The following ADRA1A variants were observed in gnomAD, a reference collection of about 807,000 sequenced individuals.
The protein encoded by ADRA1A is adrenoceptor alpha 1A, also known as alpha-1A adrenergic receptor.
Under a neutral mutation model 29.6 loss-of-function variants are expected in ADRA1A, and 31 were observed. The ratio of observed to expected loss-of-function variants is 1.05; its 90% CI spans 0.79 to 1.41. The LOEUF is 1.41. Ranked by LOEUF, ADRA1A falls within the 40% of genes most tolerant of loss-of-function variation. ADRA1A has a pLI of 0.00. For synonymous variants in ADRA1A, 311 were observed against 254.3 expected (o/e 1.22, Z -2.12); for missense variants, 619 against 601.1 (o/e 1.03, Z -0.31).
chr8:26,842,138 A>T (rs975334881), intron 2 of ADRA1A, among the ~76,000 whole-genome samples: 5 of 152,176 alleles, frequency 3.3e-5, no homozygotes, highest in Admixed American at 6.5e-5. Context: ...TTCTGAGAGG[A>T]TGGAAATGTT....
chr8:26,755,794 G>C (rs1269838323), downstream of ADRA1A, among the ~76,000 whole-genome samples: 1 of 152,164 alleles, frequency 6.6e-6, no homozygotes, highest in Admixed American at 6.5e-5. Flanking sequence ...CTGGAGCACA[G>C]TAACCCCACA....
At chr8:26,826,598 C>T (rs1420567902) in intron 2 of ADRA1A, among the ~76,000 whole-genome samples, 1 of 152,136 alleles carries the variant, frequency 6.6e-6, no homozygotes, top group Non-Finnish European at 1.5e-5. Flanking sequence ...GACCTGTGCT[C>T]ATCTTTGTCT....
chr8:26,839,373 T>G (rs1811641456), intron 2 of ADRA1A, among the ~76,000 whole-genome samples: 1 of 152,134 alleles, frequency 6.6e-6, no homozygotes, highest in Non-Finnish European at 1.5e-5. Flanking sequence ...TTAGCCAGGA[T>G]GGTCTCGATC....
chr8:26,860,730 G>A lies in ADRA1A; in HGVS notation c.883+3357C>T, dbSNP rs1318965281. ...CTCCCTCTGTCTCTACTTGCCTCAGGGCTCACACACTTTGCTCTCCTTGTC... is the reference window on the plus strand; with the variant it reads ...CTCCCTCTGTCTCTACTTGCCTCAGAGCTCACACACTTTGCTCTCCTTGTC... On this transcript the variant is annotated intron_variant, in intron 2 of 2. Coordinates refer to ENST00000380573, the MANE Select transcript of ADRA1A (RefSeq NM_000680.4). The surrounding 1 kb of genome is among the most constrained non-coding windows in gnomAD (Gnocchi z 4.7). Among the ~76,000 whole-genome samples, 2 of 151,854 alleles carry A rather than the reference G, an allele frequency of 1.3e-5. No individual in the cohort carries two copies. The highest frequency in any genetic ancestry group is 2.4e-5 in the African/African-American group (1 of 41,312).
downstream of ADRA1A, among the ~76,000 whole-genome samples, chr8:26,755,376 C>T (rs1805113787): frequency 6.6e-6 from 1 of 151,936 alleles, no homozygotes; most frequent in South Asian, 2.1e-4. Flanking sequence ...TGAGTTCTTT[C>T]TTGGCTTAAA....
At chr8:26,802,220 C>G (rs1180704132) in intron 2 of ADRA1A, among the ~76,000 whole-genome samples, 2 of 152,152 alleles carry the variant, frequency 1.3e-5, no homozygotes, top group African/African-American at 2.4e-5. Flanking sequence ...AAAAAACGGA[C>G]AAATGGGATC....
At chr8:26,840,680 C>T (rs539487697) in intron 2 of ADRA1A, among the ~76,000 whole-genome samples, 1 of 150,860 alleles carries the variant, frequency 6.6e-6, no homozygotes, top group African/African-American at 2.4e-5. Flanking sequence ...ATAGCTAAAA[C>T]AGGAAGTCTT....
chr8:26,828,204 G>T (rs1810727358), intron 2 of ADRA1A, among the ~76,000 whole-genome samples: 1 of 152,170 alleles, frequency 6.6e-6, no homozygotes, highest in African/African-American at 2.4e-5. Context: ...TTTCTTATTT[G>T]TAAAATCAGA....
At chr8:26,856,449 A>G (rs773664065) in intron 2 of ADRA1A, among the ~76,000 whole-genome samples, 11 of 152,358 alleles carry the variant, frequency 7.2e-5, no homozygotes, top group Middle Eastern at 3.4e-3. Flanking sequence ...AACTTGTATA[A>G]TGGCTATAAA....
In ADRA1A at chr8:26,864,244, C is replaced by T. The variant is rs145465951; in HGVS notation, c.726G>A (p.Pro242=). 17 of 1,614,078 alleles carry T rather than the reference C, an allele frequency of 1.1e-5. No homozygotes were observed. Among genetic ancestry groups the T allele is most frequent in the Middle Eastern group, 1.6e-4 (1 of 6,084 alleles). The change falls in exon 2 of 3, where the codon CCG becomes CCA. Residue 242 remains proline (P), a synonymous_variant. Transcript: ENST00000380573. The surrounding 1 kb of genome is among the most constrained non-coding windows in gnomAD (Gnocchi z 8.1). ...VTLRIHRKNA[P]AGGSGMASAK... ...CGCTGGCCATCCCGCTGCCTCCTGC[C>T]GGGGCGTTTTTCCGATGGATGCGGA...
chr8:26,757,601 G>C (rs1805260632), intron 2 of ADRA1A, among the ~76,000 whole-genome samples: 1 of 151,178 alleles, frequency 6.6e-6, no homozygotes, highest in African/African-American at 2.4e-5. Flanking sequence ...TGTGACCTTT[G>C]TATGATGTGA....
intron 2 of ADRA1A, among the ~76,000 whole-genome samples, chr8:26,776,107 C>T (rs1444917605): frequency 2.0e-5 from 3 of 152,208 alleles, no homozygotes; most frequent in African/African-American, 7.2e-5. Flanking sequence ...GGCTCCAATA[C>T]AAGATAAAAC....
rs1209055787 is a variant in ADRA1A at position 26,796,706 on chromosome 8, GA to G, written c.884-26041del. Among the ~76,000 whole-genome samples the G allele has an allele frequency of 6.6e-6, 1 of 152,130 alleles. No homozygotes were observed. The highest frequency in any genetic ancestry group is 1.5e-5 in the Non-Finnish European group (1 of 68,018). On this transcript the variant is annotated intron_variant, in intron 2 of 2. Coordinates refer to ENST00000380573, the MANE Select transcript of ADRA1A (RefSeq NM_000680.4). This position sits in a 1 kb window ranked among gnomAD's most constrained non-coding sequence, Gnocchi z 5.0. ...CTAAAGGAGGGTCAGTGTAAAAGTG[GA>G]TAGAGAGATGATTAATTTCGAAAGG...
In ADRA1A at chr8:26,864,673, G is replaced by A; in HGVS notation, c.297C>T (p.Cys99=). The change falls in exon 2 of 3, where the codon TGC becomes TGT. Residue 99 remains cysteine (C), a synonymous_variant. Coordinates refer to ENST00000380573, the MANE Select transcript of ADRA1A (RefSeq NM_000680.4). This position sits in a 1 kb window ranked among gnomAD's most constrained non-coding sequence, Gnocchi z 8.1. ...GCACATCCACTGCCGCCCAGATGTTGCAGAAGACCCTGCCGAAGGCCCAGT... is the reference window on the plus strand; with the variant it reads ...GCACATCCACTGCCGCCCAGATGTTACAGAAGACCCTGCCGAAGGCCCAGT... ...LGYWAFGRVF[C]NIWAAVDVLC... 6.2e-7 allele frequency: 1 copy of A among 1,614,178 alleles called. No homozygotes were observed. The highest frequency in any genetic ancestry group is 1.3e-5 in the African/African-American group (1 of 75,048).
intron 2 of ADRA1A, among the ~76,000 whole-genome samples, chr8:26,852,497 CA>C (rs1304298988): frequency 6.6e-6 from 1 of 151,142 alleles, no homozygotes; most frequent in Non-Finnish European, 1.5e-5. Flanking sequence ...TGAGCAAAGA[CA>C]AAAAGAAAGA....
At chr8:26,800,610 A>G (rs1808505898) in intron 2 of ADRA1A, among the ~76,000 whole-genome samples, 1 of 152,214 alleles carries the variant, frequency 6.6e-6, no homozygotes, top group Admixed American at 6.5e-5. Context: ...AGCCATAATA[A>G]AAAGTTTCCT....
At position 26,796,886 on chromosome 8, in the gene ADRA1A, G is replaced by T. The variant is rs1432852560; in HGVS notation, c.884-26220C>A. On this transcript the variant is annotated intron_variant, in intron 2 of 2. Transcript: ENST00000380573. This position sits in a 1 kb window ranked among gnomAD's most constrained non-coding sequence, Gnocchi z 5.0. ...GATATGTTCAGGACATATTGGAGAG[G>T]TTTATTCCCTCACTGCGCAAATTTT... Among the ~76,000 whole-genome samples, 1 of 152,088 alleles carries T rather than the reference G, an allele frequency of 6.6e-6. No individual in the cohort carries two copies. Among genetic ancestry groups the T allele is most frequent in the Non-Finnish European group, 1.5e-5 (1 of 68,014 alleles).
chr8:26,755,700 A>G (rs1314967541), downstream of ADRA1A, among the ~76,000 whole-genome samples: 4 of 152,228 alleles, frequency 2.6e-5, no homozygotes, highest in South Asian at 6.2e-4. Context: ...CCAAGCTCCC[A>G]TGGCACTGTA....
chr8:26,865,082 G>A lies in ADRA1A; in HGVS notation c.-113C>T. On this transcript the variant is annotated 5_prime_UTR_variant, in exon 2 of 3. Transcript: ENST00000380573. The surrounding 1 kb of genome is among the most constrained non-coding windows in gnomAD (Gnocchi z 7.6). ...AAAGGTCTCGGCTGGAGGGAGCCCTGCCAGGTGGGTTTGGCTGGGGGTGAG... is the reference window on the plus strand; with the variant it reads ...AAAGGTCTCGGCTGGAGGGAGCCCTACCAGGTGGGTTTGGCTGGGGGTGAG... 2 of 1,501,968 alleles carry A rather than the reference G, an allele frequency of 1.3e-6. No individual in the cohort carries two copies. The highest frequency in any genetic ancestry group is 1.8e-6 in the Non-Finnish European group (2 of 1,136,398). 93.0% of individuals were successfully genotyped at this position (1,501,968 alleles called of 1,614,324 possible).
Sources: allele counts gnomAD v4.1 joint callset (sites outside exome capture counted in the v4.1 genomes callset), GRCh38; gene constraint gnomAD v4.1.1; non-coding constraint Gnocchi (gnomAD v3.1); transcripts MANE v1.5; gene names NCBI Gene and HGNC (gene_info 2026-07-23, HGNC 2026-07-21).